The following CLK2 variants were observed in gnomAD, a reference collection of about 807,000 sequenced individuals.
The protein encoded by CLK2 is CDC like kinase 2.
CLK2 carries 12 observed loss-of-function variants against 73.5 expected under a neutral mutation model. The observed-to-expected ratio is 0.16, with a 90% CI of 0.10 to 0.26. The LOEUF is 0.26. Ranked by LOEUF, CLK2 falls within the 10% of genes least tolerant of loss-of-function variation. The pLI is 1.00. For synonymous variants in CLK2, 232 were observed against 237.9 expected (o/e 0.98, Z 0.23); for missense variants, 509 against 688.4 (o/e 0.74, Z 2.92).
At chr1:155,264,573 A>G in intron 9 of CLK2, 23 bp from the exon 10 acceptor site, 2 of 1,614,180 alleles carry the variant, frequency 1.2e-6, no homozygotes, top group African/African-American at 2.7e-5. Context: ...GGGAGGGAAA[A>G]GGTGTTATGA....
chr1:155,266,092 C>G, intron 7 of CLK2, 138 bp from the exon 8 acceptor site: 1 of 664,120 alleles, frequency 1.5e-6, no homozygotes, highest in East Asian at 2.7e-5. Context: ...TTCTGCTCTA[C>G]GTCTAAATGG....
intron 3 of CLK2, 129 bp downstream of exon 3, chr1:155,269,359 G>C (rs1673384813): frequency 1.2e-6 from 1 of 800,102 alleles, no homozygotes; most frequent in Non-Finnish European, 2.0e-6. Context: ...AAGAAAGTAG[G>C]CAAACTCAGT....
At chr1:155,267,321 G>A (rs1181158053) in intron 6 of CLK2, among the ~76,000 whole-genome samples, 1 of 152,084 alleles carries the variant, frequency 6.6e-6, no homozygotes, top group Non-Finnish European at 1.5e-5. Flanking sequence ...TCGAACTCCT[G>A]ACATTGTGAT....
chr1:155,272,783 A>T (rs984585813), intron 1 of CLK2, among the ~76,000 whole-genome samples: 1 of 152,130 alleles, frequency 6.6e-6, no homozygotes, highest in Non-Finnish European at 1.5e-5. Context: ...TCACTAGCCT[A>T]CCTTTCTCAA....
chr1:155,263,592 C>T, intron 12 of CLK2, 192 bp from the exon 13 acceptor site: 3 of 985,264 alleles, frequency 3.0e-6, no homozygotes, highest in Non-Finnish European at 3.6e-6. Context: ...AGCACAATTA[C>T]TCCATAATCT....
chr1:155,268,430 A>T lies in CLK2; in HGVS notation c.488-71T>A. ...TGGGGAATGAGCTGAGTTGGAAGAA[A>T]AAAGGGGACAGCAACCTGGGGTGGA... On this transcript the variant is annotated intron_variant, in intron 4 of 12. Coordinates refer to ENST00000368361, the MANE Select transcript of CLK2 (RefSeq NM_001294338.2). The surrounding 1 kb of genome is among the most constrained non-coding windows in gnomAD (Gnocchi z 5.6). 7.7e-7 allele frequency: 1 copy of T among 1,291,998 alleles called. No individual in the cohort carries two copies. Among genetic ancestry groups the T allele is most frequent in the Middle Eastern group, 1.9e-4 (1 of 5,284 alleles). 80.0% of individuals were successfully genotyped at this position (1,291,998 alleles called of 1,614,324 possible).
At chr1:155,264,090 T>C (rs1673116398) in intron 11 of CLK2, 50 bp from the exon 12 acceptor site, 3 of 1,565,230 alleles carry the variant, frequency 1.9e-6, no homozygotes, top group Middle Eastern at 3.4e-4. Flanking sequence ...CTTGTTACAA[T>C]TCCCTTATTT....
rs1405039435 is a variant in CLK2 at position 155,269,610 on chromosome 1, T to C, written c.277A>G (p.Thr93Ala). 2.5e-6 allele frequency: 4 copies of C among 1,614,204 alleles called. No individual in the cohort carries two copies. The highest frequency in any genetic ancestry group is 3.4e-6 in the Non-Finnish European group (4 of 1,180,040). The change falls in exon 3 of 13, where the codon ACA becomes GCA. Residue 93 changes from threonine to alanine, a missense_variant. By Grantham distance (58) the Thr-to-Ala change is moderately conservative. This residue lies in a region of CLK2 where 222 missense variants were observed against 221.7 expected (regional missense o/e 1.00). Transcript: ENST00000368361. ...TATTCATAGGAATGCCGATAGTCTGTGTCATAGTAGGCATCTCCCCGATCC... is the reference window on the plus strand; with the variant it reads ...TATTCATAGGAATGCCGATAGTCTGCGTCATAGTAGGCATCTCCCCGATCC... The part of the protein sequence containing the change: ...SRDRGDAYYD[T>A]DYRHSYEYQR...
chr1:155,263,848 T>G lies in CLK2; in HGVS notation c.1317+102A>C. 2.2e-6 allele frequency: 3 copies of G among 1,387,096 alleles called. No individual in the cohort carries two copies. In the Admixed American group the frequency reaches 6.0e-5, roughly 28 times the overall value. 85.9% of individuals were successfully genotyped at this position (1,387,096 alleles called of 1,614,324 possible). A position where few individuals can be genotyped will look rare whatever the true frequency, so the allele number is the denominator to read the frequency against. ...CTTCTTTCAGCTTTCCTCCCCTCCTTTCCTAACCCTCTGCTTGTGAAGAGC... is the reference window on the plus strand; with the variant it reads ...CTTCTTTCAGCTTTCCTCCCCTCCTGTCCTAACCCTCTGCTTGTGAAGAGC... On this transcript the variant is annotated intron_variant, in intron 12 of 12. Transcript: ENST00000368361.
chr1:155,265,200 G>A (rs1304986012), intron 8 of CLK2, among the ~76,000 whole-genome samples: 2 of 152,130 alleles, frequency 1.3e-5, no homozygotes, highest in African/African-American at 4.8e-5. Flanking sequence ...GCTTCTTTAG[G>A]TCTGAGATCT....
chr1:155,266,676 A>C, intron 7 of CLK2, 53 bp downstream of exon 7: 1 of 1,575,484 alleles, frequency 6.3e-7, no homozygotes, highest in Non-Finnish European at 8.6e-7. Flanking sequence ...CGACAGAGAG[A>C]TCCAATGAAG....
At chr1:155,269,771 A>G in intron 2 of CLK2, 55 bp from the exon 3 acceptor site, 1 of 1,502,984 alleles carries the variant, frequency 6.7e-7, no homozygotes, top group Admixed American at 1.7e-5. Context: ...ATTCCCTACC[A>G]TACCCTGTGA....
intron 8 of CLK2, among the ~76,000 whole-genome samples, chr1:155,265,528 C>T (rs1298859041): frequency 2.0e-5 from 3 of 150,188 alleles, no homozygotes; most frequent in African/African-American, 7.4e-5. Context: ...GATTATGCCA[C>T]TGCACATCAG....
chr1:155,266,813 C>T lies in CLK2; in HGVS notation c.754G>A (p.Asp252Asn). Reference sequence around the variant, plus strand: ...AGGTAGTTGTTGTCTTTGAGGAAATCGAAGGTGCTAAGGCCCAGAAGCTCA... The same window carrying T: ...AGGTAGTTGTTGTCTTTGAGGAAATTGAAGGTGCTAAGGCCCAGAAGCTCA... ...SFELLGLSTF[D>N]FLKDNNYLPY... is the part of the protein sequence containing the mutation. Residue 252 changes from aspartate (D) to asparagine (N), a missense_variant, in exon 7 of 13, where the codon GAT becomes AAT. This residue lies in a region of CLK2 where 2 missense variants were observed against 18.9 expected (regional missense o/e 0.11). Coordinates refer to ENST00000368361, the MANE Select transcript of CLK2 (RefSeq NM_001294338.2). The T allele has an allele frequency of 6.2e-7, 1 of 1,612,786 alleles. No individual in the cohort carries two copies. The highest frequency in any genetic ancestry group is 8.5e-7 in the Non-Finnish European group (1 of 1,179,538).
chr1:155,267,785 C>G (rs750312495), intron 6 of CLK2, among the ~76,000 whole-genome samples: 2 of 152,146 alleles, frequency 1.3e-5, no homozygotes, highest in African/African-American at 4.8e-5. Flanking sequence ...TGGGGTCAAA[C>G]GACAGAGCAA....
At chr1:155,263,678 T>C in intron 12 of CLK2, 1 of 985,342 alleles carries the variant, frequency 1.0e-6, no homozygotes, top group Non-Finnish European at 1.2e-6. Flanking sequence ...ATGTAAGCTC[T>C]TCAAAGGTAG....
At position 155,264,059 on chromosome 1, in the gene CLK2, T is replaced by C. The variant is rs755996322; in HGVS notation, c.1227-19A>G. ...CTGCTTTCTAGAGGGGAAGGGGAGG[T>C]TGAGGAATCAGAAGGTCACCCTTGT... On this transcript the variant is annotated intron_variant, in intron 11 of 12. Coordinates refer to ENST00000368361, the MANE Select transcript of CLK2 (RefSeq NM_001294338.2). The C allele has an allele frequency of 4.1e-5, 66 of 1,603,632 alleles. No homozygotes were observed. Among genetic ancestry groups the C allele is most frequent in the Non-Finnish European group, 5.6e-5 (65 of 1,170,812 alleles).
In CLK2 at chr1:155,268,977, A is replaced by G. The variant is rs1243149986; in HGVS notation, c.400-182T>C. 1 of 618,864 alleles carries G rather than the reference A, an allele frequency of 1.6e-6. No individual in the cohort carries two copies. The allele number at this position is 618,864 out of a possible 1,614,324, so 38.3% of individuals were successfully genotyped here. A position where few individuals can be genotyped will look rare whatever the true frequency, so the allele number is the denominator to read the frequency against. On this transcript the variant is annotated intron_variant, in intron 3 of 12. Transcript: ENST00000368361. The surrounding 1 kb of genome is among the most constrained non-coding windows in gnomAD (Gnocchi z 5.6). ...AAGGTGGATCGGTGTGAGAAGAGAG[A>G]GCGGCGCATAATCCCAAGTCCCCAA...
rs761789528 is a variant in CLK2, at chr1:155,269,542, C to T, written c.345G>A (p.Arg115=). 3.2e-5 allele frequency: 52 copies of T among 1,614,008 alleles called. No individual in the cohort carries two copies. Among genetic ancestry groups the T allele is most frequent in the Non-Finnish European group, 4.2e-5 (50 of 1,180,044 alleles). ...NSSYRSQRSS[R]RKHRRRRRRS... is the part of the protein sequence containing the mutation. ...GCCTCCTCCGCCGTCTGTGCTTCCTCCGGCTGCTGCGCTGGCTGCGGTAAC... is the reference window on the plus strand; with the variant it reads ...GCCTCCTCCGCCGTCTGTGCTTCCTTCGGCTGCTGCGCTGGCTGCGGTAAC... Residue 115 remains arginine, a synonymous_variant, in exon 3 of 13, where the codon CGG becomes CGA. Transcript: ENST00000368361.
Sources: gnomAD v4.1 joint callset for allele counts (sites outside exome capture counted in the v4.1 genomes callset) on GRCh38, gnomAD v4.1.1 for gene constraint, gnomAD v4.1.1 regional missense constraint, Gnocchi (gnomAD v3.1) non-coding constraint, MANE v1.5 for transcripts, NCBI Gene and HGNC (gene_info 2026-07-23, HGNC 2026-07-21) for gene names.